Variants in TNIK observed in about 807,000 individuals in gnomAD.
TNIK encodes TRAF2 and NCK interacting kinase, also known as TRAF2 and NCK-interacting protein kinase.
In TNIK, 49 loss-of-function variants were observed where a neutral mutation model predicts 191.3. The observed-to-expected ratio is 0.26, with a 90% CI of 0.20 to 0.32. The LOEUF is 0.32. Ranked by LOEUF, TNIK falls within the 10% of genes least tolerant of loss-of-function variation. The pLI is 1.00. For synonymous variants in TNIK, 594 were observed against 600.9 expected (o/e 0.99, Z 0.17); for missense variants, 1,155 against 1,702.3 (o/e 0.68, Z 5.66).
intron 16 of TNIK, 144 bp from the exon 17 acceptor site, chr3:171,126,295 A>G (rs1025472979): frequency 1.9e-6 from 2 of 1,035,664 alleles, no homozygotes; most frequent in African/African-American, 3.3e-5. Context: ...TATATATAGC[A>G]TGTTTTTTAA....
chr3:171,339,695 C>A (rs1203345418), intron 2 of TNIK, among the ~76,000 whole-genome samples: 1 of 152,214 alleles, frequency 6.6e-6, no homozygotes, highest in Admixed American at 6.5e-5. Flanking sequence ...AGTCTTAAGA[C>A]ATCTAAGCAG....
intron 12 of TNIK, among the ~76,000 whole-genome samples, chr3:171,152,937 A>AT (rs368785958): frequency 0.01 from 1,518 of 151,494 alleles, 27 homozygotes; most frequent in African/African-American, 0.035. Context: ...ACACCCGGCT[A>AT]TTTTTTTGTA....
In TNIK at chr3:171,431,800, T is replaced by A. The variant is rs540582154; in HGVS notation, c.57+28207A>T. 8.5e-5 allele frequency among the ~76,000 whole-genome samples: 13 copies of A among 152,314 alleles called. No individual in the cohort carries two copies. The East Asian group carries it at 1.9e-3, about 23-fold the overall frequency. ...GAATTCAAACACATGAAGATTAACA[T>A]TAGAGTTTGCTCAAGTCACCCACCA... On this transcript the variant is annotated intron_variant, in intron 1 of 32. Transcript: ENST00000436636.
intron 12 of TNIK, among the ~76,000 whole-genome samples, chr3:171,146,556 A>G (rs1213154645): frequency 6.6e-6 from 1 of 152,158 alleles, no homozygotes; most frequent in African/African-American, 2.4e-5. Context: ...CTGGTCCTGC[A>G]CTGCCACCAA....
At chr3:171,101,036 G>T (rs1429421294) in intron 22 of TNIK, among the ~76,000 whole-genome samples, 1 of 152,092 alleles carries the variant, frequency 6.6e-6, no homozygotes, top group Non-Finnish European at 1.5e-5. Flanking sequence ...GTTGGTGGCA[G>T]TGGTGGTAAT....
intron 2 of TNIK, among the ~76,000 whole-genome samples, chr3:171,363,205 T>C (rs1163840618): frequency 2.0e-5 from 3 of 152,140 alleles, no homozygotes; most frequent in Non-Finnish European, 4.4e-5. Context: ...TCCAGCCCCA[T>C]ATCTCAGGAG....
At chr3:171,162,054 A>T (rs1415287730) in intron 10 of TNIK, among the ~76,000 whole-genome samples, 1 of 152,224 alleles carries the variant, frequency 6.6e-6, no homozygotes, top group African/African-American at 2.4e-5. Context: ...ATTATGACTT[A>T]CATGGACTTG....
chr3:171,198,255 TCC>T (rs972591242), intron 4 of TNIK, among the ~76,000 whole-genome samples: 1 of 98,822 alleles, frequency 1.0e-5, no homozygotes, highest in African/African-American at 3.8e-5. Context: ...AGAGCCAGAC[TCC>T]GTCTCAAAAA....
At chr3:171,280,923 G>C (rs79424806) in intron 2 of TNIK, among the ~76,000 whole-genome samples, 1 of 152,092 alleles carries the variant, frequency 6.6e-6, no homozygotes, top group Admixed American at 6.5e-5. Flanking sequence ...GGCTCTACAG[G>C]AATAACCTAG....
At chr3:171,082,205 T>C in intron 27 of TNIK, 46 bp downstream of exon 27, 5 of 1,592,930 alleles carry the variant, frequency 3.1e-6, no homozygotes, top group Non-Finnish European at 4.3e-6. Flanking sequence ...GGTGGATCCC[T>C]TTCCCGCTGT....
intron 2 of TNIK, among the ~76,000 whole-genome samples, chr3:171,356,537 C>T (rs1714104321): frequency 6.6e-6 from 1 of 152,148 alleles, no homozygotes; most frequent in South Asian, 2.1e-4. Flanking sequence ...GGCATCGCTG[C>T]TCTATAGTAT....
chr3:171,223,395 T>A (rs1263801800), intron 3 of TNIK, among the ~76,000 whole-genome samples: 1 of 152,232 alleles, frequency 6.6e-6, no homozygotes, highest in Non-Finnish European at 1.5e-5. Flanking sequence ...AAGACCATTT[T>A]TTTCATCTTT....
At chr3:171,391,514 T>C (rs927133570) in intron 1 of TNIK, among the ~76,000 whole-genome samples, 10 of 152,354 alleles carry the variant, frequency 6.6e-5, no homozygotes, top group African/African-American at 2.2e-4. Flanking sequence ...ATAAACAAAA[T>C]TGACTGTAAT....
At position 171,084,242 on chromosome 3, in the gene TNIK, T is replaced by C; in HGVS notation, c.3082A>G (p.Thr1028Ala). 6.2e-7 allele frequency: 1 copy of C among 1,613,808 alleles called. No homozygotes were observed. Among genetic ancestry groups the C allele is most frequent in the Non-Finnish European group, 8.5e-7 (1 of 1,179,812 alleles). The change falls in exon 26 of 33, where the codon ACC becomes GCC. Residue 1028 changes from threonine to alanine, a missense_variant. Around this residue, in one of 3 missense-constraint regions of TNIK, gnomAD observed 195 missense variants for 415.4 expected, o/e 0.47. Transcript: ENST00000436636. Reference sequence around the variant, plus strand: ...GTGTCGCTATGAGGCCGAATGTTGGTTGGGTTTACATTTACCACCGAAATC... The same window carrying C: ...GTGTCGCTATGAGGCCGAATGTTGGCTGGGTTTACATTTACCACCGAAATC... ...RKISVVNVNP[T>A]NIRPHSDTPE...
intron 1 of TNIK, among the ~76,000 whole-genome samples, chr3:171,424,202 C>T (rs1724221984): frequency 2.0e-5 from 3 of 152,150 alleles, no homozygotes; most frequent in South Asian, 2.1e-4. Flanking sequence ...CAAAAGAAGA[C>T]ATTTATGCAG....
intron 10 of TNIK, among the ~76,000 whole-genome samples, 191 bp from the exon 11 acceptor site, chr3:171,161,527 G>C (rs748388209): frequency 5.3e-5 from 8 of 152,110 alleles, no homozygotes; most frequent in Non-Finnish European, 8.8e-5. Context: ...AGGCTGTCTC[G>C]GCTGACTCTA....
intron 2 of TNIK, among the ~76,000 whole-genome samples, chr3:171,280,910 C>T (rs1259264600): frequency 2.0e-5 from 3 of 152,064 alleles, no homozygotes; most frequent in African/African-American, 7.2e-5. Context: ...TAATGCTGAC[C>T]ATGGCTCTAC....
At chr3:171,394,389 G>A (rs1719967523) in intron 1 of TNIK, among the ~76,000 whole-genome samples, 1 of 152,102 alleles carries the variant, frequency 6.6e-6, no homozygotes, top group Non-Finnish European at 1.5e-5. Flanking sequence ...TATCCCCAAG[G>A]TTGAAGTAAA....
intron 1 of TNIK, among the ~76,000 whole-genome samples, chr3:171,453,642 C>T (rs776321920): frequency 7.2e-5 from 11 of 152,124 alleles, no homozygotes; most frequent in East Asian, 5.8e-4. Flanking sequence ...CTACAGTGTA[C>T]GAGAAACCAG....
Sources: allele counts gnomAD v4.1 joint callset (sites outside exome capture counted in the v4.1 genomes callset), GRCh38; gene constraint gnomAD v4.1.1; regional missense constraint gnomAD v4.1.1; transcripts MANE v1.5; gene names NCBI Gene and HGNC (gene_info 2026-07-23, HGNC 2026-07-21).